Variants in HPSE2 observed in about 807,000 individuals in gnomAD.
HPSE2 encodes heparanase 2 (inactive).
HPSE2 carries 38 observed loss-of-function variants against 60.5 expected under a neutral mutation model. The observed-to-expected ratio is 0.63, with a 90% CI of 0.48 to 0.82. HPSE2 has a LOEUF of 0.82. Among genes scored for constraint, HPSE2 ranks in the 40% least tolerant of loss-of-function variants. The probability of loss-of-function intolerance (pLI) is 0.00; values close to 1 mark genes in which losing one functional copy is unlikely to be tolerated. For synonymous variants in HPSE2, 295 were observed against 293.2 expected (o/e 1.01, Z -0.06); for missense variants, 713 against 740.4 (o/e 0.96, Z 0.43).
At chr10:98,488,026 C>T (rs1046718696) in intron 10 of HPSE2, among the ~76,000 whole-genome samples, 5 of 152,156 alleles carry the variant, frequency 3.3e-5, no homozygotes, top group African/African-American at 9.7e-5. Context: ...ACATGTAGAA[C>T]GGATTATGAA....
At chr10:99,031,987 A>T (rs186603746) in intron 3 of HPSE2, among the ~76,000 whole-genome samples, 10 of 152,338 alleles carry the variant, frequency 6.6e-5, no homozygotes, top group Non-Finnish European at 1.3e-4. Context: ...CAACATTCAC[A>T]AAATATGCAT....
chr10:99,125,793 T>C (rs1845139918), intron 3 of HPSE2, among the ~76,000 whole-genome samples: 1 of 152,104 alleles, frequency 6.6e-6, no homozygotes, highest in South Asian at 2.1e-4. Context: ...GAACCAACAG[T>C]GGGAAGAGCC....
intron 4 of HPSE2, among the ~76,000 whole-genome samples, chr10:98,725,319 C>G (rs1479991236): frequency 6.6e-6 from 1 of 152,126 alleles, no homozygotes; most frequent in African/African-American, 2.4e-5. Context: ...GAACAGAGCC[C>G]TCAGAAATAA....
intron 3 of HPSE2, among the ~76,000 whole-genome samples, chr10:99,129,231 T>G (rs10883277): frequency 0.51 from 77,473 of 151,970 alleles, 21,536 homozygotes; most frequent in East Asian, 0.65. Flanking sequence ...AGGTCATCAA[T>G]ACAGAAAGAC....
intron 11 of HPSE2, among the ~76,000 whole-genome samples, chr10:98,470,834 G>A (rs1005307507): frequency 8.2e-6 from 1 of 122,188 alleles, no homozygotes; most frequent in Non-Finnish European, 1.7e-5. Flanking sequence ...GGACAGCTAC[G>A]CAGAGAGTTT....
intron 3 of HPSE2, among the ~76,000 whole-genome samples, chr10:98,916,808 C>T (rs1485659428): frequency 6.6e-6 from 1 of 152,192 alleles, no homozygotes; most frequent in African/African-American, 2.4e-5. Context: ...CTGGCCCCTG[C>T]CTGTATACAT....
At chr10:98,802,734 G>A (rs1950944715) in intron 3 of HPSE2, among the ~76,000 whole-genome samples, 1 of 147,054 alleles carries the variant, frequency 6.8e-6, no homozygotes, top group South Asian at 2.2e-4. Context: ...TGGACATTTG[G>A]GTTGGTTCCA....
At chr10:99,112,130 C>T (rs546726108) in intron 3 of HPSE2, among the ~76,000 whole-genome samples, 6 of 152,242 alleles carry the variant, frequency 3.9e-5, no homozygotes, top group Admixed American at 2.6e-4. Context: ...AGAATACATG[C>T]GAAGCAAATG....
At chr10:99,198,450 C>T (rs144395907) in intron 2 of HPSE2, among the ~76,000 whole-genome samples, 11 of 152,224 alleles carry the variant, frequency 7.2e-5, no homozygotes, top group Admixed American at 3.9e-4. Flanking sequence ...GATTCTCCAA[C>T]GTTTTTATTG....
chr10:99,270,478 G>A, the HPSE2 span, among the ~76,000 whole-genome samples: 3 of 152,130 alleles, frequency 2.0e-5, no homozygotes, highest in Admixed American at 6.5e-5. Context: ...AACAAGCAGT[G>A]AGATTGAAAT....
At chr10:99,230,443 C>G (rs1158580306) in intron 2 of HPSE2, among the ~76,000 whole-genome samples, 3 of 151,984 alleles carry the variant, frequency 2.0e-5, no homozygotes, top group Non-Finnish European at 4.4e-5. Flanking sequence ...TTGGACAAAA[C>G]AAGAAAAGGA....
At chr10:98,664,819 C>G (rs140924833) in intron 6 of HPSE2, among the ~76,000 whole-genome samples, 23 of 152,264 alleles carry the variant, frequency 1.5e-4, no homozygotes, top group African/African-American at 4.6e-4. Context: ...ACGTCACAAA[C>G]AAAGAAAGAC....
chr10:98,503,058 A>C (rs1357660425), intron 9 of HPSE2, among the ~76,000 whole-genome samples: 1 of 151,978 alleles, frequency 6.6e-6, no homozygotes, highest in East Asian at 1.9e-4. Flanking sequence ...TTAAAAATAC[A>C]AAAATTAGCT....
At chr10:98,594,157 G>T (rs1945166996) in intron 9 of HPSE2, among the ~76,000 whole-genome samples, 1 of 152,012 alleles carries the variant, frequency 6.6e-6, no homozygotes, top group Non-Finnish European at 1.5e-5. Context: ...TTTTTGTGGT[G>T]AGAACACAAA....
chr10:98,485,320 T>C (rs1467979291), intron 10 of HPSE2, among the ~76,000 whole-genome samples: 1 of 152,168 alleles, frequency 6.6e-6, no homozygotes, highest in Non-Finnish European at 1.5e-5. Flanking sequence ...CTGAAGTATA[T>C]CCTGCTGGCT....
chr10:98,605,666 T>C (rs1304962055), intron 9 of HPSE2, among the ~76,000 whole-genome samples: 3 of 152,156 alleles, frequency 2.0e-5, no homozygotes, highest in Non-Finnish European at 4.4e-5. Flanking sequence ...ATTATTTGTA[T>C]GAAGGGCAAT....
chr10:98,558,535 T>TA (rs1214006330), intron 9 of HPSE2, among the ~76,000 whole-genome samples: 6 of 152,204 alleles, frequency 3.9e-5, no homozygotes, highest in African/African-American at 1.4e-4. Flanking sequence ...ATTCCATTTA[T>TA]AGAGTATAAA....
chr10:99,189,824 C>T (rs368909209), intron 2 of HPSE2, among the ~76,000 whole-genome samples: 12 of 152,162 alleles, frequency 7.9e-5, no homozygotes, highest in African/African-American at 2.9e-4. Context: ...AGAAGTAAAC[C>T]CTTGAAAATT....
rs1222233627 is a variant in HPSE2, at chr10:99,117,411, T to C, written c.610+26827A>G. On this transcript the variant is annotated intron_variant, in intron 3 of 11. Transcript: ENST00000370552. Reference sequence around the variant, plus strand: ...AAAGATCAGCAAATCCAAGAGTTGTTTTTTTGAAAAAAAAAAAAAAAAAAA... The same window carrying C: ...AAAGATCAGCAAATCCAAGAGTTGTCTTTTTGAAAAAAAAAAAAAAAAAAA... 4.6e-3 allele frequency among the ~76,000 whole-genome samples: 283 copies of C among 62,002 alleles called. 9 individuals carry two copies. Among genetic ancestry groups the C allele is most frequent in the East Asian group, 0.033 (69 of 2,122 alleles). The allele number at this position is 62,002 out of a possible 152,430, so 40.7% of individuals were successfully genotyped here.
Sources: allele counts gnomAD v4.1 joint callset (sites outside exome capture counted in the v4.1 genomes callset), GRCh38; gene constraint gnomAD v4.1.1; transcripts MANE v1.5; gene names NCBI Gene and HGNC (gene_info 2026-07-23, HGNC 2026-07-21).